SMARCC1: variants seen among roughly 807,000 people sequenced by gnomAD.
SMARCC1 encodes SWI/SNF complex subunit SMARCC1.
Under a neutral mutation model 147.4 loss-of-function variants are expected in SMARCC1, and 43 were observed. The ratio of observed to expected loss-of-function variants is 0.29; its 90% CI spans 0.23 to 0.38. SMARCC1 has a LOEUF of 0.38. SMARCC1 is among the 10% of genes least tolerant of loss of function. The pLI, the probability that SMARCC1 is intolerant of heterozygous loss-of-function variation, is 1.00. For synonymous variants in SMARCC1, 495 were observed against 484.4 expected (o/e 1.02, Z -0.29); for missense variants, 1,119 against 1,381.1 (o/e 0.81, Z 3.01).
intron 10 of SMARCC1, chr3:47,701,669 C>T: frequency 2.8e-6 from 1 of 352,274 alleles, no homozygotes; most frequent in Non-Finnish European, 5.2e-6. Context: ...CAAAAATAAG[C>T]CGGGCATGGT....
intron 3 of SMARCC1, among the ~76,000 whole-genome samples, chr3:47,742,659 T>G (rs2034522530): frequency 6.6e-6 from 1 of 152,200 alleles, no homozygotes. Context: ...CTTGGTTCAC[T>G]GCAGCCTCTA....
intron 24 of SMARCC1, among the ~76,000 whole-genome samples, chr3:47,629,195 C>T (rs2032853352): frequency 6.6e-6 from 1 of 152,148 alleles, no homozygotes; most frequent in South Asian, 2.1e-4. Flanking sequence ...TGATGTGTCT[C>T]ACCCCTACTA....
chr3:47,623,448 A>C (rs778868156), intron 24 of SMARCC1, among the ~76,000 whole-genome samples: 5 of 152,210 alleles, frequency 3.3e-5, no homozygotes, highest in African/African-American at 4.8e-5. Flanking sequence ...ACGAAAGCCT[A>C]ATTTTTCATT....
Position 47,586,231 on chromosome 3 carries a change from C to T in SMARCC1, c.*1978G>A, listed in dbSNP as rs539314566. 6 of 152,288 alleles carry T rather than the reference C, an allele frequency of 3.9e-5. No homozygotes were observed. In the South Asian group the frequency reaches 1.2e-3, roughly 32 times the overall value. The allele number at this position is 152,288 out of a possible 1,614,324, so 9.4% of individuals were successfully genotyped here. ...AATTTGAAAGTGATCACATTAAAGA[C>T]CTGAGGTTACAAGGGACCACAGTAT... is the stretch of plus-strand genomic sequence containing the variant. On this transcript the variant is annotated 3_prime_UTR_variant, in exon 28 of 28. Coordinates refer to ENST00000254480, the MANE Select transcript of SMARCC1 (RefSeq NM_003074.4).
intron 26 of SMARCC1, among the ~76,000 whole-genome samples, chr3:47,599,714 G>C (rs2032355009): frequency 6.6e-6 from 1 of 152,152 alleles, no homozygotes; most frequent in African/African-American, 2.4e-5. Flanking sequence ...GCAAACCCTG[G>C]TGTCACCAAA....
chr3:47,690,518 CAGAA>C (rs769584126), intron 12 of SMARCC1, among the ~76,000 whole-genome samples: 4 of 152,128 alleles, frequency 2.6e-5, no homozygotes, highest in Non-Finnish European at 5.9e-5. Context: ...CTTCACAAAA[CAGAA>C]AGCCACTATG....
rs1271443484 is a variant in SMARCC1 at position 47,670,649 on chromosome 3, T to C, written c.1899+9A>G. On this transcript the variant is annotated intron_variant, in intron 19 of 27. Coordinates refer to ENST00000254480, the MANE Select transcript of SMARCC1 (RefSeq NM_003074.4). ...TTAGCACACATCCCATATGCATTAATCTGCTTACCTCCAGGAGTAGAAGGG... is the reference window on the plus strand; with the variant it reads ...TTAGCACACATCCCATATGCATTAACCTGCTTACCTCCAGGAGTAGAAGGG... The C allele has an allele frequency of 3.3e-6, 5 of 1,505,368 alleles. No individual in the cohort carries two copies. Among genetic ancestry groups the C allele is most frequent in the Non-Finnish European group, 3.7e-6 (4 of 1,080,596 alleles). The allele number at this position is 1,505,368 out of a possible 1,614,324, so 93.3% of individuals were successfully genotyped here. A position where few individuals can be genotyped will look rare whatever the true frequency, so the allele number is the denominator to read the frequency against.
At chr3:47,679,753 G>T (rs6773467) in intron 15 of SMARCC1, among the ~76,000 whole-genome samples, 93,444 of 151,182 alleles carry the variant, frequency 0.62, 29,575 homozygotes, top group East Asian at 0.72. Flanking sequence ...TCTCAACTAC[G>T]TGGGAGGCTG....
intron 13 of SMARCC1, among the ~76,000 whole-genome samples, chr3:47,686,585 C>T (rs969520460): frequency 6.6e-6 from 1 of 152,040 alleles, no homozygotes; most frequent in East Asian, 1.9e-4. Flanking sequence ...TTATTGCATA[C>T]ATTTAAACGT....
intron 6 of SMARCC1, among the ~76,000 whole-genome samples, chr3:47,727,628 T>C (rs780211984): frequency 1.3e-5 from 2 of 152,070 alleles, no homozygotes; most frequent in Non-Finnish European, 2.9e-5. Context: ...TTTTTTTTTT[T>C]AGGTAAGACA....
At chr3:47,712,860 T>G (rs1183704560) in intron 8 of SMARCC1, among the ~76,000 whole-genome samples, 1 of 152,196 alleles carries the variant, frequency 6.6e-6, no homozygotes, top group Non-Finnish European at 1.5e-5. Context: ...GATACCATAG[T>G]TAAGTAATCA....
At chr3:47,773,064 G>A (rs1044247783) in intron 1 of SMARCC1, 128 bp from the exon 2 acceptor site, 4 of 672,808 alleles carry the variant, frequency 5.9e-6, no homozygotes, top group African/African-American at 5.6e-5. Context: ...CACGCTCTGT[G>A]CTATAAAGGA....
chr3:47,599,026 G>C (rs2032344831), intron 26 of SMARCC1, among the ~76,000 whole-genome samples: 1 of 152,066 alleles, frequency 6.6e-6, no homozygotes, highest in Admixed American at 6.6e-5. Flanking sequence ...ACCTTGGAAG[G>C]AGCATGGCTT....
intron 21 of SMARCC1, among the ~76,000 whole-genome samples, chr3:47,655,925 A>G (rs1476935772): frequency 6.6e-6 from 1 of 152,138 alleles, no homozygotes; most frequent in African/African-American, 2.4e-5. Context: ...AATTACAGAG[A>G]CAATAATGTT....
At chr3:47,734,124 A>G (rs1006266115) in intron 5 of SMARCC1, among the ~76,000 whole-genome samples, 3 of 152,244 alleles carry the variant, frequency 2.0e-5, no homozygotes, top group African/African-American at 7.2e-5. Context: ...TGACAAAAAG[A>G]GTAGGTAATT....
At chr3:47,760,046 G>T (rs2034756152) in intron 2 of SMARCC1, among the ~76,000 whole-genome samples, 1 of 152,176 alleles carries the variant, frequency 6.6e-6, no homozygotes, top group African/African-American at 2.4e-5. Context: ...AGGTATGGTG[G>T]CTCACGCCTG....
intron 21 of SMARCC1, among the ~76,000 whole-genome samples, chr3:47,650,300 T>TAA (rs765924055): frequency 0.3 from 41,619 of 138,584 alleles, 6,179 homozygotes; most frequent in Non-Finnish European, 0.32. Flanking sequence ...ATAATAATAA[T>TAA]TATTATTATT....
intron 2 of SMARCC1, among the ~76,000 whole-genome samples, chr3:47,755,111 C>T (rs1344893326): frequency 6.6e-6 from 1 of 151,770 alleles, no homozygotes; most frequent in East Asian, 1.9e-4. Flanking sequence ...CTCGCGAGGC[C>T]GAGGCAGGAA....
rs927814519 is a variant in SMARCC1 at position 47,781,437 on chromosome 3, T to A, written c.195+166A>T. On this transcript the variant is annotated intron_variant, in intron 1 of 27. Coordinates refer to ENST00000254480, the MANE Select transcript of SMARCC1 (RefSeq NM_003074.4). ...CCCGAACCCCAGTCAGGCCCCGGGA[T>A]CGCGGGCGCCCAGAGCGGGCGGCGG... Among the ~76,000 whole-genome samples the A allele has an allele frequency of 4.6e-5, 7 of 152,176 alleles. No homozygotes were observed. In the South Asian group the frequency reaches 8.3e-4, roughly 18 times the overall value.
Sources: allele counts gnomAD v4.1 joint callset (sites outside exome capture counted in the v4.1 genomes callset), GRCh38; gene constraint gnomAD v4.1.1; transcripts MANE v1.5; gene names NCBI Gene and HGNC (gene_info 2026-07-23, HGNC 2026-07-21).